HMGA2: variants seen among roughly 807,000 people sequenced by gnomAD.
The protein encoded by HMGA2 is high mobility group protein HMGI-C.
In HMGA2, 8 loss-of-function variants were observed where a neutral mutation model predicts 19.1. That is an observed-to-expected ratio of 0.42 (90% CI 0.25 to 0.76). The LOEUF is 0.76. Among genes scored for constraint, HMGA2 ranks in the 30% least tolerant of loss-of-function variants. The pLI, the probability that HMGA2 is intolerant of heterozygous loss-of-function variation, is 0.28. For synonymous variants in HMGA2, 60 were observed against 48.8 expected, an observed-to-expected ratio of 1.23 and a Z score of -0.96; for missense variants, 109 against 136.3, an observed-to-expected ratio of 0.80 and a Z score of 1.00.
At chr12:65,884,814 C>A (rs1353891400) in intron 3 of HMGA2, among the ~76,000 whole-genome samples, 1 of 152,062 alleles carries the variant, frequency 6.6e-6, no homozygotes, top group East Asian at 1.9e-4. Flanking sequence ...GCCTTAGTTG[C>A]CTCAGCTGCA....
chr12:65,960,417 G>A (rs966664774), intron 4 of HMGA2, among the ~76,000 whole-genome samples: 17 of 152,180 alleles, frequency 1.1e-4, no homozygotes, highest in African/African-American at 3.9e-4. Context: ...TCCTGACAGG[G>A]AGGATTTTTC....
chr12:65,899,823 G>A (rs931727699), intron 3 of HMGA2, among the ~76,000 whole-genome samples: 3 of 152,176 alleles, frequency 2.0e-5, no homozygotes, highest in African/African-American at 7.2e-5. Flanking sequence ...TAGGAAAGCT[G>A]ATATTTTTAG....
intron 3 of HMGA2, among the ~76,000 whole-genome samples, chr12:65,934,467 G>A (rs1169992807): frequency 1.3e-5 from 2 of 152,090 alleles, no homozygotes; most frequent in Non-Finnish European, 2.9e-5. Flanking sequence ...CTTGTTCAAC[G>A]ACATTCCTGT....
At chr12:65,839,360 G>A (rs999621020) in intron 3 of HMGA2, among the ~76,000 whole-genome samples, 4 of 152,084 alleles carry the variant, frequency 2.6e-5, no homozygotes, top group East Asian at 1.9e-4. Flanking sequence ...GAATGAAATC[G>A]TTTCTCAAGA....
intron 2 of HMGA2, among the ~76,000 whole-genome samples, chr12:65,836,131 G>T (rs970567608): frequency 1.3e-5 from 2 of 151,990 alleles, no homozygotes; most frequent in Non-Finnish European, 2.9e-5. Context: ...AGGCAGAGGC[G>T]GGCGGATTAC....
chr12:65,919,873 CT>C (rs1452413789), intron 3 of HMGA2, among the ~76,000 whole-genome samples: 1 of 152,212 alleles, frequency 6.6e-6, no homozygotes, highest in Non-Finnish European at 1.5e-5. Flanking sequence ...TTCAAAGCTT[CT>C]TACAAAGAAC....
intron 3 of HMGA2, among the ~76,000 whole-genome samples, chr12:65,861,307 A>G (rs2120979895): frequency 6.6e-6 from 1 of 152,296 alleles, no homozygotes; most frequent in South Asian, 2.1e-4. Context: ...TGGAGGTTGC[A>G]GTGAGCCCAG....
chr12:65,865,643 T>C (rs1052387174), intron 3 of HMGA2, among the ~76,000 whole-genome samples: 1 of 148,054 alleles, frequency 6.8e-6, no homozygotes, highest in Non-Finnish European at 1.5e-5. Flanking sequence ...CTTTTTTTTT[T>C]TTTTTTTTTG....
chr12:65,904,556 C>T (rs1266713807), intron 3 of HMGA2, among the ~76,000 whole-genome samples: 3 of 152,044 alleles, frequency 2.0e-5, no homozygotes, highest in Non-Finnish European at 4.4e-5. Context: ...AAACAAGGTG[C>T]AAGAGAATGG....
intron 3 of HMGA2, chr12:65,882,141 G>T: frequency 2.4e-6 from 1 of 422,818 alleles, no homozygotes; most frequent in Non-Finnish European, 4.5e-6. Flanking sequence ...TGACAGAGCT[G>T]GGCAGGCGGC....
chr12:65,925,666 G>A (rs1028056029), intron 3 of HMGA2, among the ~76,000 whole-genome samples: 1 of 152,176 alleles, frequency 6.6e-6, no homozygotes, highest in Admixed American at 6.5e-5. Context: ...ATCAGAGTTG[G>A]AGTAAAAAAT....
intron 2 of HMGA2, chr12:65,829,130 T>G (rs377222172): frequency 1.4e-4 from 21 of 152,260 alleles, no homozygotes; most frequent in African/African-American, 5.1e-4. Flanking sequence ...GATTAATGTT[T>G]TGTGTGATTT....
intron 2 of HMGA2, chr12:65,828,340 A>T (rs183580673): frequency 5.8e-6 from 2 of 346,160 alleles, no homozygotes; most frequent in African/African-American, 5.1e-5. Flanking sequence ...TTTGAACCTT[A>T]AAACGGGTAG....
chr12:65,901,207 T>C (rs1396477434), intron 3 of HMGA2, among the ~76,000 whole-genome samples: 3 of 152,248 alleles, frequency 2.0e-5, no homozygotes, highest in Non-Finnish European at 4.4e-5. Flanking sequence ...AAAAAATTAT[T>C]GAGAACATTT....
Position 65,927,831 on chromosome 12 carries a change from CTGTG to C in HMGA2, c.250-23534_250-23531del, listed in dbSNP as rs143707177. Among the ~76,000 whole-genome samples, 14 of 145,130 alleles carry C rather than the reference CTGTG, an allele frequency of 9.6e-5. No individual in the cohort carries two copies. In the East Asian group the frequency reaches 1.2e-3, roughly 13 times the overall value. ...TCTCTGTCTCTCTCTCTCTTTGTAT[CTGTG>C]TGTGTGTGTGTGTGTGTATATATAT... On this transcript the variant is annotated intron_variant, in intron 3 of 4. Coordinates refer to ENST00000403681, the MANE Select transcript of HMGA2 (RefSeq NM_003483.6).
At position 65,966,203 on chromosome 12, in the gene HMGA2, C is replaced by T. The variant is rs1876905420; in HGVS notation, c.*2911C>T. ...ATCACTGTCTGTTCTGCACAATAAA[C>T]ATAACAGCCTCTGTGATCCCCATGT... On this transcript the variant is annotated 3_prime_UTR_variant, in exon 5 of 5. Transcript: ENST00000403681. The T allele has an allele frequency of 5.1e-6, 1 of 195,996 alleles. No homozygotes were observed. The highest frequency in any genetic ancestry group is 8.0e-5 in the East Asian group (1 of 12,556). The allele number at this position is 195,996 out of a possible 1,614,324, so 12.1% of individuals were successfully genotyped here.
At position 65,964,023 on chromosome 12, in the gene HMGA2, G is replaced by A. The variant is rs1018237594; in HGVS notation, c.*731G>A. The stretch of plus-strand genomic sequence containing the variant: ...ATGGATATCACACATATCAGCAGGA[G>A]TAATAAATTTACTCACAGCACTTGT... On this transcript the variant is annotated 3_prime_UTR_variant, in exon 5 of 5. Coordinates refer to ENST00000403681, the MANE Select transcript of HMGA2 (RefSeq NM_003483.6). The A allele has an allele frequency of 9.6e-6, 2 of 208,110 alleles. No individual in the cohort carries two copies. The highest frequency in any genetic ancestry group is 2.0e-5 in the Non-Finnish European group (2 of 102,118). 12.9% of individuals were successfully genotyped at this position (208,110 alleles called of 1,614,324 possible).
At chr12:65,953,082 G>A (rs1387556582) in intron 4 of HMGA2, 1 of 152,008 alleles carries the variant, frequency 6.6e-6, no homozygotes, top group Non-Finnish European at 1.5e-5. Flanking sequence ...TACAAATCAG[G>A]ACTTTTTTTT....
intron 3 of HMGA2, among the ~76,000 whole-genome samples, chr12:65,903,061 T>C (rs558925956): frequency 1.9e-4 from 29 of 152,258 alleles, no homozygotes; most frequent in Non-Finnish European, 3.8e-4. Context: ...CTAGTTTGTT[T>C]GTTTGTTTGT....
Sources: gnomAD v4.1 joint callset for allele counts (sites outside exome capture counted in the v4.1 genomes callset) on GRCh38, gnomAD v4.1.1 for gene constraint, MANE v1.5 for transcripts, NCBI Gene and HGNC (gene_info 2026-07-23, HGNC 2026-07-21) for gene names.